MROH2B: variants seen among roughly 807,000 people sequenced by gnomAD.
MROH2B encodes maestro heat like repeat family member 2B.
In MROH2B, 177 loss-of-function variants were observed where a neutral mutation model predicts 208.6. That is an observed-to-expected ratio of 0.85 (90% CI 0.75 to 0.96). The LOEUF (loss-of-function observed/expected upper bound fraction) is 0.96, where lower values mean the gene tolerates loss of function less well. Ranked by LOEUF, MROH2B falls within the 40% of genes least tolerant of loss-of-function variation. MROH2B has a pLI of 0.00. For missense variants in MROH2B, 2,002 were observed against 1,878.7 expected (o/e 1.07, Z -1.21); for synonymous variants, 728 against 659.0 (o/e 1.10, Z -1.60).
intron 34 of MROH2B, among the ~76,000 whole-genome samples, chr5:41,006,166 C>T (rs1383924043): frequency 6.6e-6 from 1 of 151,964 alleles, no homozygotes; most frequent in Non-Finnish European, 1.5e-5. Context: ...CATCAAAAAG[C>T]AGGCTAAGGA....
In MROH2B at chr5:41,042,073, T is replaced by G; in HGVS notation, c.1953+19A>C. ...TGTTGTTATCATCATAAGAGGAAAT[T>G]GAGAGCAAGGGGTCCCACCTGTCTT... On this transcript the variant is annotated intron_variant, in intron 19 of 41. Transcript: ENST00000399564. The G allele has an allele frequency of 7.0e-7, 1 of 1,428,018 alleles. No homozygotes were observed. The allele number at this position is 1,428,018 out of a possible 1,614,324, so 88.5% of individuals were successfully genotyped here.
At position 40,999,839 on chromosome 5, in the gene MROH2B, C is replaced by T; in HGVS notation, c.4483-60G>A. 2.7e-6 allele frequency: 4 copies of T among 1,489,676 alleles called. No homozygotes were observed. In the South Asian group the frequency reaches 4.7e-5, roughly 18 times the overall value. The allele number at this position is 1,489,676 out of a possible 1,614,324, so 92.3% of individuals were successfully genotyped here. ...GAAAGTGAACCTTTGTGACATTTGG[C>T]ATCCTATAGGTCCTCAGAACGGATT... On this transcript the variant is annotated intron_variant, in intron 39 of 41. Transcript: ENST00000399564.
At chr5:41,056,481 G>C (rs1304418959) in intron 9 of MROH2B, among the ~76,000 whole-genome samples, 2 of 152,046 alleles carry the variant, frequency 1.3e-5, no homozygotes, top group Non-Finnish European at 2.9e-5. Flanking sequence ...GTAGTATTTG[G>C]GGGAGTGCAG....
chr5:41,018,052 T>G (rs372649276), intron 27 of MROH2B, 82 bp from the exon 28 acceptor site: 1 of 1,471,216 alleles, frequency 6.8e-7, no homozygotes. Flanking sequence ...ATCTCAAGTC[T>G]CTTATTTTCT....
At chr5:41,033,259 G>A in intron 22 of MROH2B, 99 bp from the exon 23 acceptor site, 3 of 1,492,976 alleles carry the variant, frequency 2.0e-6, no homozygotes, top group South Asian at 1.2e-5. Context: ...CCAGACAGGA[G>A]TGAGAATCTT....
At chr5:41,019,831 T>G (rs1344547161) in intron 24 of MROH2B, among the ~76,000 whole-genome samples, 1 of 152,224 alleles carries the variant, frequency 6.6e-6, no homozygotes, top group African/African-American at 2.4e-5. Flanking sequence ...TAAAAGAAAT[T>G]AATGTATCAA....
At position 41,034,047 on chromosome 5, in the gene MROH2B, C is replaced by T. The variant is rs113381501; in HGVS notation, c.2215-183G>A. ...CACTTCTTCCATTTTTAAAGTGAGA[C>T]CTTGTACATTTGCAGAGTCTTTCCC... On this transcript the variant is annotated intron_variant, in intron 21 of 41. Transcript: ENST00000399564. The T allele has an allele frequency of 2.2e-5, 22 of 984,876 alleles. 1 individual carries two copies. In the African/African-American group the frequency reaches 3.3e-4, roughly 15 times the overall value. The allele number at this position is 984,876 out of a possible 1,614,324, so 61.0% of individuals were successfully genotyped here.
At chr5:41,065,279 C>T in intron 4 of MROH2B, 52 bp downstream of exon 4, 1 of 1,538,728 alleles carries the variant, frequency 6.5e-7, no homozygotes, top group South Asian at 1.2e-5. Flanking sequence ...AGCTTTTAGA[C>T]AATTAGAAGT....
At chr5:41,008,857 G>T in intron 32 of MROH2B, 64 bp from the exon 33 acceptor site, 1 of 1,479,582 alleles carries the variant, frequency 6.8e-7, no homozygotes, top group Non-Finnish European at 9.1e-7. Flanking sequence ...CTTCTCTCTG[G>T]GCTGATTTTC....
chr5:41,032,346 C>T (rs946587032), intron 24 of MROH2B, among the ~76,000 whole-genome samples: 1 of 152,012 alleles, frequency 6.6e-6, no homozygotes, highest in Non-Finnish European at 1.5e-5. Context: ...TTAAAATATG[C>T]CAAAAAGTAT....
At position 41,049,394 on chromosome 5, in the gene MROH2B, A is replaced by G. The variant is rs778638414; in HGVS notation, c.1387T>C (p.Tyr463His). The change falls in exon 14 of 42, where the codon TAC becomes CAC. Residue 463 changes from tyrosine to histidine, a missense_variant. Coordinates refer to ENST00000399564, the MANE Select transcript of MROH2B (RefSeq NM_173489.5). ...AACAGGGGCTCCAGAGCTTCTGTGTATTCTGCAGGTACCACAAAAGTCAGG... is the reference window on the plus strand; with the variant it reads ...AACAGGGGCTCCAGAGCTTCTGTGTGTTCTGCAGGTACCACAAAAGTCAGG... ...RILTFVVPAEYTEALEPLFSI... is the reference protein window; with the variant it reads ...RILTFVVPAEHTEALEPLFSI... 70 of 1,613,666 alleles carry G rather than the reference A, an allele frequency of 4.3e-5. No individual in the cohort carries two copies. The South Asian group carries it at 7.6e-4, about 17-fold the overall frequency.
intron 15 of MROH2B, 49 bp from the exon 16 acceptor site, chr5:41,048,514 GC>G (rs1172199171): frequency 6.5e-7 from 1 of 1,530,792 alleles, no homozygotes; most frequent in African/African-American, 1.4e-5. Context: ...GCGTTTAAAA[GC>G]CCCACTTATT....
At chr5:41,058,771 G>T (rs1032144589) in intron 6 of MROH2B, among the ~76,000 whole-genome samples, 1 of 152,016 alleles carries the variant, frequency 6.6e-6, no homozygotes, top group African/African-American at 2.4e-5. Flanking sequence ...CTTCAAGCTG[G>T]CAGGATGGCT....
In MROH2B at chr5:41,061,651, A is replaced by G. The variant is rs200515168; in HGVS notation, c.534T>C (p.Asp178=). Residue 178 remains aspartate, a synonymous_variant, in exon 6 of 42, where the codon GAT becomes GAC. Transcript: ENST00000399564. The part of the protein sequence containing the change: ...HWRDFPYPRL[D]ANRLSDKIFM... ...AGATCTTGTCAGACAGTCGGTTGGC[A>G]TCCAGTCTGGGGTAGGGAAAATCTC... is the stretch of plus-strand genomic sequence containing the variant. 3.7e-6 allele frequency: 6 copies of G among 1,613,970 alleles called. No homozygotes were observed. The highest frequency in any genetic ancestry group is 1.3e-5 in the African/African-American group (1 of 75,062).
chr5:41,069,555 C>A, intron 2 of MROH2B, 136 bp downstream of exon 2: 1 of 664,632 alleles, frequency 1.5e-6, no homozygotes, highest in Non-Finnish European at 2.7e-6. Context: ...TTCATTACAA[C>A]TGCATTTACT....
At chr5:41,058,884 C>T (rs10042530) in intron 6 of MROH2B, among the ~76,000 whole-genome samples, 3,719 of 151,518 alleles carry the variant, frequency 0.025, 47 homozygotes, top group Non-Finnish European at 0.025. Context: ...CCCGTCTCTA[C>T]TAAAAATACA....
intron 24 of MROH2B, among the ~76,000 whole-genome samples, chr5:41,020,026 A>G (rs551904145): frequency 5.3e-5 from 8 of 152,112 alleles, no homozygotes; most frequent in Non-Finnish European, 8.8e-5. Context: ...GCTTGCCATC[A>G]TTAGAGATTA....
At chr5:41,043,025 T>C (rs1227842236) in intron 18 of MROH2B, among the ~76,000 whole-genome samples, 4 of 152,260 alleles carry the variant, frequency 2.6e-5, no homozygotes, top group African/African-American at 9.6e-5. Context: ...CAAAACTGGC[T>C]AATTGGTGGT....
Position 41,009,369 on chromosome 5 carries a change from GC to G in MROH2B, c.3330del (p.Lys1110AsnfsTer12). 1 of 1,613,884 alleles carries G rather than the reference GC, an allele frequency of 6.2e-7. No homozygotes were observed. Among genetic ancestry groups the G allele is most frequent in the Non-Finnish European group, 8.5e-7 (1 of 1,179,800 alleles). ...TKTLWKALAE[K>X]PASSGKLLQA... The stretch of plus-strand genomic sequence containing the variant: ...TGCAAGAGTTTCCCACTGGAGGCTG[GC>G]TTTTCAGCCAGCGCCTTCCACAATG... On this transcript the variant is annotated frameshift_variant, in exon 32 of 42. Transcript: ENST00000399564. LOFTEE classifies it high-confidence loss of function.
Sources: allele counts gnomAD v4.1 joint callset (sites outside exome capture counted in the v4.1 genomes callset), GRCh38; gene constraint gnomAD v4.1.1; transcripts MANE v1.5; gene names NCBI Gene and HGNC (gene_info 2026-07-23, HGNC 2026-07-21).